The following CHL1 variants were observed in gnomAD, a reference collection of about 807,000 sequenced individuals.
CHL1 encodes the protein cell adhesion molecule L1 like, also known as neural cell adhesion molecule L1-like protein.
CHL1 carries 96 observed loss-of-function variants against 141.9 expected under a neutral mutation model. The observed-to-expected ratio is 0.68, with a 90% CI of 0.57 to 0.80. The LOEUF (loss-of-function observed/expected upper bound fraction) is 0.80, where lower values mean the gene tolerates loss of function less well. Ranked by LOEUF, CHL1 falls within the 30% of genes least tolerant of loss-of-function variation. CHL1 has a pLI of 0.00. For synonymous variants in CHL1, 613 were observed against 502.2 expected (o/e 1.22, Z -2.95); for missense variants, 1,820 against 1,457.2 (o/e 1.25, Z -4.05).
chr3:237,895 T>C (rs948487137), intron 1 of CHL1, among the ~76,000 whole-genome samples: 2 of 152,234 alleles, frequency 1.3e-5, no homozygotes, highest in Admixed American at 6.5e-5. Flanking sequence ...GCTATTTCTA[T>C]TTAGAATGCT....
At chr3:254,578 C>G (rs1247872251) in intron 2 of CHL1, among the ~76,000 whole-genome samples, 2 of 152,122 alleles carry the variant, frequency 1.3e-5, no homozygotes, top group African/African-American at 4.8e-5. Flanking sequence ...AGCCACGTAT[C>G]TTGGTGCTTT....
chr3:314,216 A>G (rs1293487149), intron 2 of CHL1, among the ~76,000 whole-genome samples: 1 of 151,300 alleles, frequency 6.6e-6, no homozygotes, highest in Non-Finnish European at 1.5e-5. Flanking sequence ...AAGACTGAAT[A>G]AACATTAAAA....
At chr3:236,976 T>C (rs1692048998) in intron 1 of CHL1, among the ~76,000 whole-genome samples, 1 of 152,062 alleles carries the variant, frequency 6.6e-6, no homozygotes, top group South Asian at 2.1e-4. Context: ...AGGAAACACG[T>C]CATTAATAGG....
At chr3:366,194 G>A in intron 15 of CHL1, 79 bp downstream of exon 15, 3 of 1,401,606 alleles carry the variant, frequency 2.1e-6, no homozygotes, top group South Asian at 1.2e-5. Flanking sequence ...TTCTAGGTCG[G>A]GCATGCTGAC....
At chr3:334,740 C>A (rs1263993569) in intron 5 of CHL1, among the ~76,000 whole-genome samples, 1 of 152,172 alleles carries the variant, frequency 6.6e-6, no homozygotes, top group Non-Finnish European at 1.5e-5. Context: ...TGCAAATTCT[C>A]TGGGGTTATT....
chr3:334,109 A>C (rs1026188295), intron 5 of CHL1, among the ~76,000 whole-genome samples: 2 of 152,178 alleles, frequency 1.3e-5, no homozygotes, highest in Non-Finnish European at 2.9e-5. Context: ...GGCATGTACC[A>C]CCATGCCCAC....
intron 2 of CHL1, among the ~76,000 whole-genome samples, chr3:281,749 G>A (rs1452513707): frequency 6.6e-6 from 1 of 151,818 alleles, no homozygotes; most frequent in Non-Finnish European, 1.5e-5. Context: ...TAGTAGAGAT[G>A]GGGTTTCACC....
At chr3:393,491 G>A (rs1055798191) in intron 23 of CHL1, among the ~76,000 whole-genome samples, 1 of 151,998 alleles carries the variant, frequency 6.6e-6, no homozygotes, top group Non-Finnish European at 1.5e-5. Context: ...TTAAAAACAA[G>A]TTCTTAGAAT....
intron 9 of CHL1, among the ~76,000 whole-genome samples, chr3:345,459 TTTATTTAA>T (rs199731164): frequency 0.24 from 36,839 of 150,926 alleles, 5,200 homozygotes; most frequent in East Asian, 0.38. Context: ...TATTTATTTA[TTTATTTAA>T]TTATTTATTC....
chr3:287,980 C>G (rs571584923), intron 2 of CHL1, among the ~76,000 whole-genome samples: 1 of 152,178 alleles, frequency 6.6e-6, no homozygotes, highest in African/African-American at 2.4e-5. Context: ...GTTGGCCAGG[C>G]TGGTCTCAAA....
intron 1 of CHL1, among the ~76,000 whole-genome samples, chr3:200,179 A>T (rs1698785108): frequency 1.3e-5 from 2 of 152,214 alleles, no homozygotes; most frequent in South Asian, 4.1e-4. Flanking sequence ...GACAGCCAAC[A>T]GTGCAATAGA....
intron 23 of CHL1, among the ~76,000 whole-genome samples, chr3:392,115 C>T (rs1708275032): frequency 6.6e-6 from 1 of 152,206 alleles, no homozygotes; most frequent in South Asian, 2.1e-4. Flanking sequence ...TGTTTACCGT[C>T]TGGCCCTTTA....
chr3:286,658 A>G (rs193101457), intron 2 of CHL1, among the ~76,000 whole-genome samples: 55 of 151,966 alleles, frequency 3.6e-4, no homozygotes, highest in African/African-American at 1.2e-3. Context: ...GAATAAAAGA[A>G]TGGCTACTCT....
intron 2 of CHL1, among the ~76,000 whole-genome samples, chr3:255,737 C>T (rs150634968): frequency 2.6e-5 from 4 of 152,168 alleles, no homozygotes; most frequent in African/African-American, 7.2e-5. Context: ...CAGTAGTTCT[C>T]GCCTTTGACT....
intron 3 of CHL1, 44 bp from the exon 4 acceptor site, chr3:325,915 G>A (rs1381264049): frequency 1.2e-5 from 16 of 1,328,434 alleles, no homozygotes; most frequent in Non-Finnish European, 1.7e-5. Flanking sequence ...AACCTTGCCT[G>A]CTGTTTGAAT....
At chr3:386,628 A>G (rs111550043) in intron 19 of CHL1, among the ~76,000 whole-genome samples, 18 of 152,328 alleles carry the variant, frequency 1.2e-4, no homozygotes, top group South Asian at 6.2e-4. Flanking sequence ...TCAAACTTAA[A>G]GGACACCAAA....
At chr3:338,898 G>C (rs190475469) in intron 5 of CHL1, among the ~76,000 whole-genome samples, 63 of 152,184 alleles carry the variant, frequency 4.1e-4, no homozygotes, top group African/African-American at 1.3e-3. Flanking sequence ...CGAATTGCTA[G>C]GTTTTTTTTA....
chr3:387,716 A>G (rs1707871584), intron 19 of CHL1, among the ~76,000 whole-genome samples: 1 of 152,212 alleles, frequency 6.6e-6, no homozygotes, highest in Admixed American at 6.5e-5. Flanking sequence ...CACTGGGACA[A>G]TGCTAAAGCC....
intron 2 of CHL1, among the ~76,000 whole-genome samples, chr3:246,061 G>A (rs1455718423): frequency 6.6e-6 from 1 of 152,090 alleles, no homozygotes; most frequent in Non-Finnish European, 1.5e-5. Flanking sequence ...CAATTCCTTT[G>A]ATGATGATTG....
Sources: gnomAD v4.1 joint callset for allele counts (sites outside exome capture counted in the v4.1 genomes callset) on GRCh38, gnomAD v4.1.1 for gene constraint, MANE v1.5 for transcripts, NCBI Gene and HGNC (gene_info 2026-07-23, HGNC 2026-07-21) for gene names.